The following COL16A1 variants were observed in gnomAD, a reference collection of about 807,000 sequenced individuals.
The protein encoded by COL16A1 is collagen type XVI alpha 1 chain.
A neutral mutation model predicts 266.3 loss-of-function variants in COL16A1; 189 were observed. That is an observed-to-expected ratio of 0.71 (90% CI 0.63 to 0.80). The LOEUF (loss-of-function observed/expected upper bound fraction) is 0.80, where lower values mean the gene tolerates loss of function less well. COL16A1 is among the 30% of genes least tolerant of loss of function. The probability of loss-of-function intolerance (pLI) is 0.00; values close to 1 mark genes in which losing one functional copy is unlikely to be tolerated. For synonymous variants in COL16A1, 740 were observed against 782.3 expected, an observed-to-expected ratio of 0.95 and a Z score of 0.90; for missense variants, 1,928 against 2,122.4, an observed-to-expected ratio of 0.91 and a Z score of 1.80.
intron 62 of COL16A1, 115 bp downstream of exon 62, chr1:31,660,470 G>A (rs554012538): frequency 3.1e-5 from 44 of 1,419,614 alleles, no homozygotes; most frequent in Admixed American, 6.6e-5. Context: ...GTGCTCCCAC[G>A]GCTGGGGCAG....
rs764706313 is a variant in COL16A1 at position 31,653,609 on chromosome 1, G to A, written c.4602C>T (p.Pro1534=). The change falls in exon 70 of 71, where the codon CCC becomes CCT. Residue 1534 remains proline (P), a synonymous_variant. Coordinates refer to ENST00000373672, the MANE Select transcript of COL16A1 (RefSeq NM_001856.4). Reference sequence around the variant, plus strand: ...GGTGGTATTTCCTACCTGGGGGGCCGGGAAGACCATTTTCTCCTGCAATGC... The same window carrying A: ...GGTGGTATTTCCTACCTGGGGGGCCAGGAAGACCATTTTCTCCTGCAATGC... ...GIGIAGENGL[P]GPPGPQGPPG... is the part of the protein sequence containing the mutation. 51 of 1,613,540 alleles carry A rather than the reference G, an allele frequency of 3.2e-5. No individual in the cohort carries two copies. In the East Asian group the frequency reaches 5.3e-4, roughly 17 times the overall value.
chr1:31,701,457 G>A (rs1308697038), intron 2 of COL16A1: 3 of 985,300 alleles, frequency 3.0e-6, no homozygotes, highest in Non-Finnish European at 3.6e-6. Flanking sequence ...TTGGGTCCTA[G>A]GAGTTCTGTT....
intron 37 of COL16A1, 114 bp downstream of exon 37, chr1:31,682,820 T>A: frequency 1.5e-6 from 2 of 1,337,924 alleles, no homozygotes; most frequent in South Asian, 1.4e-5. Flanking sequence ...GAGGCCTCTC[T>A]CCTCCCATCC....
At position 31,667,616 on chromosome 1, in the gene COL16A1, C is replaced by G; in HGVS notation, c.3316G>C (p.Glu1106Gln). The G allele has an allele frequency of 6.2e-7, 1 of 1,605,322 alleles. No homozygotes were observed. Among genetic ancestry groups the G allele is most frequent in the African/African-American group, 1.3e-5 (1 of 74,928 alleles). ...GPPGLPGIKG[E>Q]RGYTGSAGEK... Reference sequence around the variant, plus strand: ...CCCGCTGACCCGGTGTAGCCACGCTCCCCCTTGATGCCCTGACAAGTGGCA... The same window carrying G: ...CCCGCTGACCCGGTGTAGCCACGCTGCCCCTTGATGCCCTGACAAGTGGCA... The change falls in exon 52 of 71, where the codon GAG (glutamate) becomes CAG (glutamine). Residue 1106 changes from glutamate (E) to glutamine (Q), a missense_variant. This residue lies in a region of COL16A1 where 1,552 missense variants were observed against 1,637.2 expected (regional missense o/e 0.95). Coordinates refer to ENST00000373672, the MANE Select transcript of COL16A1 (RefSeq NM_001856.4).
At chr1:31,686,434 G>T (rs1445762541) in intron 26 of COL16A1, 155 bp from the exon 27 acceptor site, 13 of 1,071,118 alleles carry the variant, frequency 1.2e-5, no homozygotes, top group African/African-American at 1.1e-4. Context: ...GTCCCCAAGG[G>T]AGTCTGTAAC....
intron 51 of COL16A1, among the ~76,000 whole-genome samples, chr1:31,667,893 A>AC (rs1470930568): frequency 1.3e-5 from 2 of 151,088 alleles, no homozygotes; most frequent in Non-Finnish European, 3.0e-5. Context: ...CAAACCCCTC[A>AC]CCCCCAGGAG....
intron 42 of COL16A1, 91 bp downstream of exon 42, chr1:31,679,541 G>A (rs771883376): frequency 3.7e-6 from 6 of 1,613,984 alleles, no homozygotes; most frequent in Middle Eastern, 3.3e-4. Flanking sequence ...TTTGGGGTGG[G>A]GGAGCAGCAT....
intron 26 of COL16A1, among the ~76,000 whole-genome samples, chr1:31,687,290 G>A (rs1054737479): frequency 3.3e-5 from 5 of 151,166 alleles, no homozygotes; most frequent in African/African-American, 1.2e-4. Flanking sequence ...GCTGAGGCAG[G>A]AGAATCACTT....
chr1:31,672,686 C>T (rs1216032666), intron 45 of COL16A1, 38 bp downstream of exon 45: 1 of 1,608,264 alleles, frequency 6.2e-7, no homozygotes, highest in African/African-American at 1.3e-5. Flanking sequence ...AGCCAGGGAA[C>T]CCTCCTGCAT....
At position 31,656,182 on chromosome 1, in the gene COL16A1, A is replaced by G. The variant is rs972934290; in HGVS notation, c.4101+218T>C. On this transcript the variant is annotated intron_variant, in intron 66 of 70. Coordinates refer to ENST00000373672, the MANE Select transcript of COL16A1 (RefSeq NM_001856.4). The surrounding 1 kb of genome is among the most constrained non-coding windows in gnomAD (Gnocchi z 4.2). ...AAACAATGAATGAATCAATCAGTCA[A>G]TCAGTGAGTAAATGAACTGGAGATT... is the stretch of plus-strand genomic sequence containing the variant. The G allele has an allele frequency of 2.9e-6, 2 of 693,800 alleles. No individual in the cohort carries two copies. The highest frequency in any genetic ancestry group is 1.8e-5 in the African/African-American group (1 of 55,096). The allele number at this position is 693,800 out of a possible 1,614,324, so 43.0% of individuals were successfully genotyped here.
At position 31,662,613 on chromosome 1, in the gene COL16A1, CA is replaced by C; in HGVS notation, c.3600del (p.Pro1202HisfsTer25). 6.4e-7 allele frequency: 1 copy of C among 1,565,204 alleles called. No homozygotes were observed. On this transcript the variant is annotated frameshift_variant, in exon 57 of 71. Transcript: ENST00000373672. LOFTEE classifies it high-confidence loss of function. ...IRGPSGLPGS[P>X]GPPGPPGIQG... Reference sequence around the variant, plus strand: ...TGAATCCCAGGAGGTCCCGGTGGCCCAGGGGAGCCAGGCAGGCCTGATGGGC... The same window carrying C: ...TGAATCCCAGGAGGTCCCGGTGGCCCGGGGAGCCAGGCAGGCCTGATGGGC...
chr1:31,659,940 G>C (rs1641497251), intron 62 of COL16A1: 1 of 146,124 alleles, frequency 6.8e-6, no homozygotes, highest in South Asian at 2.3e-4. Context: ...AATAGTGATG[G>C]GGGCCTGAGA....
chr1:31,700,798 G>C (rs1644696746), intron 2 of COL16A1, among the ~76,000 whole-genome samples: 1 of 152,288 alleles, frequency 6.6e-6, no homozygotes, highest in African/African-American at 2.4e-5. Flanking sequence ...AGAGACTGAG[G>C]GTCTGAGGGG....
At chr1:31,674,120 A>C (rs767577217) in intron 44 of COL16A1, among the ~76,000 whole-genome samples, 1 of 152,188 alleles carries the variant, frequency 6.6e-6, no homozygotes, top group Non-Finnish European at 1.5e-5. Flanking sequence ...TCTGCCGTTC[A>C]GAGCAGGGAA....
intron 52 of COL16A1, among the ~76,000 whole-genome samples, chr1:31,666,928 G>A (rs965940410): frequency 2.6e-5 from 4 of 152,164 alleles, no homozygotes; most frequent in Admixed American, 1.3e-4. Context: ...GGGCAACTGC[G>A]CTCTGTTCAT....
intron 34 of COL16A1, 103 bp downstream of exon 34, chr1:31,683,604 C>T (rs1643805743): frequency 2.5e-6 from 4 of 1,605,710 alleles, no homozygotes; most frequent in African/African-American, 2.7e-5. Context: ...AGTCCTGTGC[C>T]TCTGGGGGCA....
intron 2 of COL16A1, among the ~76,000 whole-genome samples, chr1:31,701,036 T>C (rs964646925): frequency 1.3e-5 from 2 of 152,122 alleles, no homozygotes; most frequent in South Asian, 2.1e-4. Flanking sequence ...TTCTCATCAA[T>C]GCAGAGGGAT....
At position 31,703,999 on chromosome 1, in the gene COL16A1, CGCA is replaced by C. The variant is rs1409296901; in HGVS notation, c.-200_-198del. The C allele has an allele frequency of 6.6e-6, 1 of 152,444 alleles. No individual in the cohort carries two copies. The highest frequency in any genetic ancestry group is 1.5e-5 in the Non-Finnish European group (1 of 68,220). The allele number at this position is 152,444 out of a possible 1,614,324, so 9.4% of individuals were successfully genotyped here. A position where few individuals can be genotyped will look rare whatever the true frequency, so the allele number is the denominator to read the frequency against. On this transcript the variant is annotated 5_prime_UTR_variant, in exon 1 of 71. Transcript: ENST00000373672. ...GCTCTCCCGGCTGTCTGCTGCCCGG[CGCA>C]CGCCTGCCGGGGACTGCCGGCCACT...
chr1:31,686,021 G>A, intron 28 of COL16A1, 70 bp downstream of exon 28: 1 of 1,596,214 alleles, frequency 6.3e-7, no homozygotes, highest in Non-Finnish European at 8.5e-7. Flanking sequence ...AGGGTTCGAA[G>A]TCGAGCAAGA....
Sources: gnomAD v4.1 joint callset for allele counts (sites outside exome capture counted in the v4.1 genomes callset) on GRCh38, gnomAD v4.1.1 for gene constraint, gnomAD v4.1.1 regional missense constraint, Gnocchi (gnomAD v3.1) non-coding constraint, MANE v1.5 for transcripts, NCBI Gene and HGNC (gene_info 2026-07-23, HGNC 2026-07-21) for gene names.